The following EFNA3 variants were observed in gnomAD, a reference collection of about 807,000 sequenced individuals.
EFNA3 encodes ephrin-A3.
A neutral mutation model predicts 25.0 loss-of-function variants in EFNA3; 15 were observed. The observed-to-expected ratio is 0.60, with a 90% CI of 0.40 to 0.92. The LOEUF (loss-of-function observed/expected upper bound fraction) is 0.92. Ranked by LOEUF, EFNA3 falls within the 40% of genes least tolerant of loss-of-function variation. The pLI, the probability that EFNA3 is intolerant of heterozygous loss-of-function variation, is 0.00. For missense variants in EFNA3, 298 were observed against 323.8 expected (o/e 0.92, Z 0.61); for synonymous variants, 153 against 145.6 (o/e 1.05, Z -0.37).
chr1:155,084,953 C>T (rs1361550781), intron 1 of EFNA3, 138 bp from the exon 2 acceptor site: 1 of 953,736 alleles, frequency 1.0e-6, no homozygotes, highest in South Asian at 1.6e-5. Context: ...GGGGCAGAGA[C>T]AGGGCTGAGC....
In EFNA3 at chr1:155,085,062, C is replaced by T. The variant is rs1663424630; in HGVS notation, c.129-29C>T. The T allele has an allele frequency of 6.2e-7, 1 of 1,608,762 alleles. No homozygotes were observed. The highest frequency in any genetic ancestry group is 8.5e-7 in the Non-Finnish European group (1 of 1,177,954). On this transcript the variant is annotated intron_variant, in intron 1 of 4. Coordinates refer to ENST00000368408, the MANE Select transcript of EFNA3 (RefSeq NM_004952.5). The surrounding 1 kb of genome is among the most constrained non-coding windows in gnomAD (Gnocchi z 4.4). ...AAGCGGCTTTGCTCTGGGGTTTCTT[C>T]TCTCTGAGCCGCTTCCTCTTCCCCA...
At position 155,086,624 on chromosome 1, in the gene EFNA3, C is replaced by G; in HGVS notation, c.*81C>G. 1 of 1,550,910 alleles carries G rather than the reference C, an allele frequency of 6.4e-7. No individual in the cohort carries two copies. The highest frequency in any genetic ancestry group is 8.7e-7 in the Non-Finnish European group (1 of 1,145,198). On this transcript the variant is annotated 3_prime_UTR_variant, in exon 5 of 5. Transcript: ENST00000368408. The stretch of plus-strand genomic sequence containing the variant: ...AGCCTTTGGCCTCTCCAAGGGAAGC[C>G]TAGTGGGCCTAGACCCCTCCTCCCA...
rs1390655923 is a variant in EFNA3 at position 155,085,853 on chromosome 1, ACT to A, written c.443-22_443-21del. On this transcript the variant is annotated intron_variant, in intron 2 of 4. Coordinates refer to ENST00000368408, the MANE Select transcript of EFNA3 (RefSeq NM_004952.5). The surrounding 1 kb of genome is among the most constrained non-coding windows in gnomAD (Gnocchi z 4.4). ...CACAGGCACACATTGGGCGAAAGTGACTCAGGCCCGGTCTCCTCCCCAGCCAC... is the reference window on the plus strand; with the variant it reads ...CACAGGCACACATTGGGCGAAAGTGACAGGCCCGGTCTCCTCCCCAGCCAC... 6.2e-7 allele frequency: 1 copy of A among 1,611,828 alleles called. No homozygotes were observed.
At chr1:155,086,291 G>C in intron 4 of EFNA3, 86 bp downstream of exon 4, 1 of 1,594,478 alleles carries the variant, frequency 6.3e-7, no homozygotes, top group Admixed American at 1.7e-5. Context: ...TGCCTTCCCT[G>C]GGGGCACTGA....
rs1334157099 is a variant in EFNA3 at position 155,079,798 on chromosome 1, TGA to T, written c.128+731_128+732del. Among the ~76,000 whole-genome samples, 1 of 151,854 alleles carries T rather than the reference TGA, an allele frequency of 6.6e-6. No individual in the cohort carries two copies. The highest frequency in any genetic ancestry group is 1.5e-5 in the Non-Finnish European group (1 of 67,968). The stretch of plus-strand genomic sequence containing the variant: ...GCGGCTGTCAGTGTGCGTGTGTGTC[TGA>T]GTGTGTGATTTGTGTGTCTGCGTCG... On this transcript the variant is annotated intron_variant, in intron 1 of 4. Coordinates refer to ENST00000368408, the MANE Select transcript of EFNA3 (RefSeq NM_004952.5). The surrounding 1 kb of genome is among the most constrained non-coding windows in gnomAD (Gnocchi z 7.7).
chr1:155,081,065 C>T lies in EFNA3; in HGVS notation c.128+1996C>T, dbSNP rs919307291. Among the ~76,000 whole-genome samples the T allele has an allele frequency of 1.3e-5, 2 of 152,212 alleles. No homozygotes were observed. The highest frequency in any genetic ancestry group is 1.9e-4 in the East Asian group (1 of 5,200). Reference sequence around the variant, plus strand: ...AGCTGGGCTCCTGGCTCCCACCTCCCGTCACGTGCGGAGGGTCTCTGCCCC... The same window carrying T: ...AGCTGGGCTCCTGGCTCCCACCTCCTGTCACGTGCGGAGGGTCTCTGCCCC... On this transcript the variant is annotated intron_variant, in intron 1 of 4. Transcript: ENST00000368408. This position sits in a 1 kb window ranked among gnomAD's most constrained non-coding sequence, Gnocchi z 5.2.
At position 155,085,461 on chromosome 1, in the gene EFNA3, G is replaced by A. The variant is rs1663436053; in HGVS notation, c.442+57G>A. 3.4e-6 allele frequency: 5 copies of A among 1,471,830 alleles called. No individual in the cohort carries two copies. The highest frequency in any genetic ancestry group is 4.5e-6 in the Non-Finnish European group (5 of 1,105,764). The allele number at this position is 1,471,830 out of a possible 1,614,324, so 91.2% of individuals were successfully genotyped here. ...AACGCGAGAGTCTGAGTGACAGCCG[G>A]GGGGTGGAGCCCCTAGGCTCCGGGG... is the stretch of plus-strand genomic sequence containing the variant. On this transcript the variant is annotated intron_variant, in intron 2 of 4. Transcript: ENST00000368408. The surrounding 1 kb of genome is among the most constrained non-coding windows in gnomAD (Gnocchi z 4.4).
At position 155,085,010 on chromosome 1, in the gene EFNA3, GGAGGGGCTGCGGAGCGGTCA is replaced by G. The variant is rs1344777208; in HGVS notation, c.129-78_129-59del. 1.0e-5 allele frequency: 15 copies of G among 1,501,290 alleles called. No individual in the cohort carries two copies. In the African/African-American group the frequency reaches 2.1e-4, roughly 21 times the overall value. The allele number at this position is 1,501,290 out of a possible 1,614,324, so 93.0% of individuals were successfully genotyped here. On this transcript the variant is annotated intron_variant, in intron 1 of 4. Transcript: ENST00000368408. The surrounding 1 kb of genome is among the most constrained non-coding windows in gnomAD (Gnocchi z 4.4). The stretch of plus-strand genomic sequence containing the variant: ...AGTCGGAAGGCTACGCGGACCCTGG[GGAGGGGCTGCGGAGCGGTCA>G]GATGGAAAGCGGCTTTGCTCTGGGG...
Position 155,079,059 on chromosome 1 carries a change from T to G in EFNA3, c.118T>G (p.Ser40Ala). ...CCGGCATGCGGTGTACTGGAACAGC[T>G]CCAACCAGCAGTGAGTCGGGGACCC... ...GNRHAVYWNS[S>A]NQHLRREGYT... The change falls in exon 1 of 5, where the codon TCC becomes GCC. Residue 40 changes from serine to alanine, a missense_variant. Coordinates refer to ENST00000368408, the MANE Select transcript of EFNA3 (RefSeq NM_004952.5). This position sits in a 1 kb window ranked among gnomAD's most constrained non-coding sequence, Gnocchi z 7.7. 1 of 1,358,158 alleles carries G rather than the reference T, an allele frequency of 7.4e-7. No homozygotes were observed. The highest frequency in any genetic ancestry group is 9.5e-7 in the Non-Finnish European group (1 of 1,049,916). 84.1% of individuals were successfully genotyped at this position (1,358,158 alleles called of 1,614,324 possible).
At position 155,086,810 on chromosome 1, in the gene EFNA3, G is replaced by T. The variant is rs1663476102; in HGVS notation, c.*267G>T. The T allele has an allele frequency of 2.3e-6, 1 of 435,228 alleles. No individual in the cohort carries two copies. Among genetic ancestry groups the T allele is most frequent in the South Asian group, 2.7e-5 (1 of 36,458 alleles). The allele number at this position is 435,228 out of a possible 1,614,324, so 27.0% of individuals were successfully genotyped here. A position where few individuals can be genotyped will look rare whatever the true frequency, so the allele number is the denominator to read the frequency against. The stretch of plus-strand genomic sequence containing the variant: ...GTACCAAACTTGGGGGCCAAAAAGG[G>T]CAGTGCTCAGGACTCCCTGGCCCCT... On this transcript the variant is annotated 3_prime_UTR_variant, in exon 5 of 5. Coordinates refer to ENST00000368408, the MANE Select transcript of EFNA3 (RefSeq NM_004952.5).
Position 155,080,211 on chromosome 1 carries a change from G to A in EFNA3, c.128+1142G>A, listed in dbSNP as rs893897018. Among the ~76,000 whole-genome samples, 7 of 152,134 alleles carry A rather than the reference G, an allele frequency of 4.6e-5. No homozygotes were observed. Among genetic ancestry groups the A allele is most frequent in the Non-Finnish European group, 7.4e-5 (5 of 68,012 alleles). On this transcript the variant is annotated intron_variant, in intron 1 of 4. Coordinates refer to ENST00000368408, the MANE Select transcript of EFNA3 (RefSeq NM_004952.5). The surrounding 1 kb of genome is among the most constrained non-coding windows in gnomAD (Gnocchi z 7.0). ...CCACCCCAGGGACCGACCGACCAGG[G>A]AGCAAATGGCCAGACCCCAGGGGAG...
chr1:155,084,087 A>G (rs1663392960), intron 1 of EFNA3, among the ~76,000 whole-genome samples: 1 of 152,218 alleles, frequency 6.6e-6, no homozygotes, highest in African/African-American at 2.4e-5. Flanking sequence ...AAGAGGGATC[A>G]GGGAAATAAG....
In EFNA3 at chr1:155,086,579, G is replaced by A; in HGVS notation, c.*36G>A. The A allele has an allele frequency of 1.2e-6, 2 of 1,609,748 alleles. No individual in the cohort carries two copies. The highest frequency in any genetic ancestry group is 1.7e-4 in the Middle Eastern group (1 of 6,034). ...TCCCCTGGGGGGGGAGAGATGGGGC[G>A]GGGCTTGGAAGGAGCAGGGAGCCTT... On this transcript the variant is annotated 3_prime_UTR_variant, in exon 5 of 5. Transcript: ENST00000368408.
chr1:155,078,907 T>C lies in EFNA3; in HGVS notation c.-35T>C. 7.4e-7 allele frequency: 1 copy of C among 1,357,340 alleles called. No homozygotes were observed. Among genetic ancestry groups the C allele is most frequent in the Non-Finnish European group, 9.5e-7 (1 of 1,056,610 alleles). 84.1% of individuals were successfully genotyped at this position (1,357,340 alleles called of 1,614,324 possible). ...AGCGGAGAAGCCGGGAGCGCGGGGC[T>C]CAGTCGGGGGGCGGCGGCGGCGGCG... On this transcript the variant is annotated 5_prime_UTR_variant, in exon 1 of 5. Coordinates refer to ENST00000368408, the MANE Select transcript of EFNA3 (RefSeq NM_004952.5).
chr1:155,085,050 C>T lies in EFNA3; in HGVS notation c.129-41C>T, dbSNP rs1429027981. 3.1e-6 allele frequency: 5 copies of T among 1,604,954 alleles called. No homozygotes were observed. Among genetic ancestry groups the T allele is most frequent in the African/African-American group, 2.7e-5 (2 of 74,456 alleles). On this transcript the variant is annotated intron_variant, in intron 1 of 4. Coordinates refer to ENST00000368408, the MANE Select transcript of EFNA3 (RefSeq NM_004952.5). The surrounding 1 kb of genome is among the most constrained non-coding windows in gnomAD (Gnocchi z 4.4). ...CGGTCAGATGGAAAGCGGCTTTGCT[C>T]TGGGGTTTCTTCTCTCTGAGCCGCT...
At chr1:155,086,259 C>A in intron 4 of EFNA3, 54 bp downstream of exon 4, 1 of 1,598,674 alleles carries the variant, frequency 6.3e-7, no homozygotes, top group Non-Finnish European at 8.6e-7. Flanking sequence ...AGCCCCCCGC[C>A]CCGGTGCCTG....
rs1470568707 is a variant in EFNA3, at chr1:155,078,854, C to G, written c.-88C>G. On this transcript the variant is annotated 5_prime_UTR_variant, in exon 1 of 5. Coordinates refer to ENST00000368408, the MANE Select transcript of EFNA3 (RefSeq NM_004952.5). The stretch of plus-strand genomic sequence containing the variant: ...GGGGGCGTGGCCTAAGGCTGGGGGC[C>G]GACGGCGGCGGCAGCAGGGAGCTGG... The G allele has an allele frequency of 7.7e-7, 1 of 1,295,304 alleles. No homozygotes were observed. 80.2% of individuals were successfully genotyped at this position (1,295,304 alleles called of 1,614,324 possible).
chr1:155,086,763 C>T lies in EFNA3; in HGVS notation c.*220C>T. On this transcript the variant is annotated 3_prime_UTR_variant, in exon 5 of 5. Coordinates refer to ENST00000368408, the MANE Select transcript of EFNA3 (RefSeq NM_004952.5). ...GGGACAGCCATGGGTCCCGGGCGGC[C>T]TTGTGGCTCTGGTAATGTTTGGTAC... 1.7e-6 allele frequency: 1 copy of T among 574,756 alleles called. No homozygotes were observed. Among genetic ancestry groups the T allele is most frequent in the Non-Finnish European group, 3.0e-6 (1 of 337,156 alleles). The allele number at this position is 574,756 out of a possible 1,614,324, so 35.6% of individuals were successfully genotyped here. A position where few individuals can be genotyped will look rare whatever the true frequency, so the allele number is the denominator to read the frequency against.
chr1:155,085,429 G>A lies in EFNA3; in HGVS notation c.442+25G>A, dbSNP rs562777432. ...TGTGAGTGACGGCGGCCGGGCGGGC[G>A]GGTCTGAACGCGAGAGTCTGAGTGA... On this transcript the variant is annotated intron_variant, in intron 2 of 4. Transcript: ENST00000368408. This position sits in a 1 kb window ranked among gnomAD's most constrained non-coding sequence, Gnocchi z 4.4. 77 of 1,531,224 alleles carry A rather than the reference G, an allele frequency of 5.0e-5. No homozygotes were observed. Among genetic ancestry groups the A allele is most frequent in the Non-Finnish European group, 6.2e-5 (70 of 1,132,918 alleles). The allele number at this position is 1,531,224 out of a possible 1,614,324, so 94.9% of individuals were successfully genotyped here. A position where few individuals can be genotyped will look rare whatever the true frequency, so the allele number is the denominator to read the frequency against.
Sources: gnomAD v4.1 joint callset for allele counts (sites outside exome capture counted in the v4.1 genomes callset) on GRCh38, gnomAD v4.1.1 for gene constraint, Gnocchi (gnomAD v3.1) non-coding constraint, MANE v1.5 for transcripts, NCBI Gene and HGNC (gene_info 2026-07-23, HGNC 2026-07-21) for gene names.